Variants in RABGEF1 observed in about 807,000 individuals in gnomAD.
RABGEF1 encodes the protein rab5 GDP/GTP exchange factor.
Under a neutral mutation model 57.3 loss-of-function variants are expected in RABGEF1, and 26 were observed. The ratio of observed to expected loss-of-function variants is 0.45; its 90% CI spans 0.33 to 0.63. The LOEUF (loss-of-function observed/expected upper bound fraction) is 0.63, where lower values mean the gene tolerates loss of function less well. Among genes scored for constraint, RABGEF1 ranks in the 20% least tolerant of loss-of-function variants. The pLI, the probability that RABGEF1 is intolerant of heterozygous loss-of-function variation, is 0.02. For synonymous variants in RABGEF1, 185 were observed against 210.7 expected (o/e 0.88, Z 1.06); for missense variants, 464 against 607.6 (o/e 0.76, Z 2.48).
chr7:66,734,768 A>G (rs1345352728), intron 2 of RABGEF1, among the ~76,000 whole-genome samples: 4 of 151,964 alleles, frequency 2.6e-5, no homozygotes, highest in South Asian at 2.1e-4. Context: ...CAATGGGTGC[A>G]TGATATTGTT....
At chr7:66,675,736 G>A in the RABGEF1 span, among the ~76,000 whole-genome samples, 6 of 152,082 alleles carry the variant, frequency 3.9e-5, no homozygotes, top group African/African-American at 1.2e-4. Context: ...AATGTAATAG[G>A]ATGCAAAATC....
chr7:66,789,262 A>C (rs1811984563), intron 4 of RABGEF1, among the ~76,000 whole-genome samples: 1 of 152,228 alleles, frequency 6.6e-6, no homozygotes, highest in Non-Finnish European at 1.5e-5. Context: ...TATTGTGAGA[A>C]CTTCAGCAGG....
intron 1 of RABGEF1, among the ~76,000 whole-genome samples, chr7:66,706,341 G>T (rs1246635549): frequency 6.6e-6 from 1 of 152,138 alleles, no homozygotes; most frequent in East Asian, 1.9e-4. Flanking sequence ...ACCTAGGAAT[G>T]AAGTGACTAG....
the RABGEF1 span, among the ~76,000 whole-genome samples, chr7:66,662,220 C>G: frequency 6.8e-6 from 1 of 146,998 alleles, no homozygotes; most frequent in Non-Finnish European, 1.5e-5. Context: ...GCCTGGGTGA[C>G]AGAGCGAGAC....
At chr7:66,736,440 G>A (rs1797953464), upstream of RABGEF1, among the ~76,000 whole-genome samples, 1 of 152,138 alleles carries the variant, frequency 6.6e-6, no homozygotes, top group Admixed American at 6.6e-5. Context: ...GAAGAAGAAG[G>A]GGAGTGGTAA....
At chr7:66,732,287 T>C (rs1460656579) in intron 2 of RABGEF1, among the ~76,000 whole-genome samples, 2 of 152,172 alleles carry the variant, frequency 1.3e-5, no homozygotes, top group Non-Finnish European at 2.9e-5. Flanking sequence ...CGGAGCCTCA[T>C]TGAGCAGGGG....
chr7:66,676,383 T>C, the RABGEF1 span, among the ~76,000 whole-genome samples: 21 of 152,290 alleles, frequency 1.4e-4, no homozygotes, highest in African/African-American at 4.3e-4. Context: ...AATCCTCACA[T>C]ACTCAAGCAT....
At chr7:66,722,923 C>T (rs1317716506) in intron 2 of RABGEF1, among the ~76,000 whole-genome samples, 2 of 152,152 alleles carry the variant, frequency 1.3e-5, no homozygotes, top group East Asian at 3.8e-4. Flanking sequence ...ATAAACACAG[C>T]ATGTCTTTCC....
chr7:66,773,923 C>G (rs758343444), intron 2 of RABGEF1: 11 of 407,330 alleles, frequency 2.7e-5, no homozygotes, highest in South Asian at 2.0e-4. Context: ...GCCTTGGCCT[C>G]CCAGTGTGCT....
At chr7:66,797,034 T>A in intron 5 of RABGEF1, 1 of 371,634 alleles carries the variant, frequency 2.7e-6, no homozygotes, top group South Asian at 2.1e-5. Flanking sequence ...GCATTCTGGC[T>A]CACACCTATA....
chr7:66,741,709 T>A (rs575301495), intron 1 of RABGEF1, among the ~76,000 whole-genome samples: 27 of 152,290 alleles, frequency 1.8e-4, no homozygotes, highest in African/African-American at 4.1e-4. Context: ...TATTTATTAT[T>A]TTTTTCGACA....
chr7:66,659,052 A>G, the RABGEF1 span, among the ~76,000 whole-genome samples: 13 of 152,224 alleles, frequency 8.5e-5, 1 homozygote, highest in South Asian at 2.7e-3. Context: ...GGAAACACTA[A>G]CTCATTCTAT....
In RABGEF1 at chr7:66,808,923, A is replaced by T; in HGVS notation, c.1115A>T (p.Gln372Leu). The T allele has an allele frequency of 6.2e-7, 1 of 1,610,108 alleles. No individual in the cohort carries two copies. The highest frequency in any genetic ancestry group is 8.5e-7 in the Non-Finnish European group (1 of 1,176,632). ...AVAFIEKLDA[Q>L]SLNLSQEDFD... ...GCTTTCATTGAGAAGCTAGACGCCC[A>T]GTCTTTGAATCTAAGTCAGGAGGAT... The change falls in exon 9 of 9, where the codon CAG (glutamine) becomes CTG (leucine). Residue 372 changes from glutamine (Q) to leucine (L), a missense_variant. Around this residue, in one of 4 missense-constraint regions of RABGEF1, gnomAD observed 151 missense variants for 152.2 expected, o/e 0.99. Coordinates refer to ENST00000284957, the MANE Select transcript of RABGEF1 (RefSeq NM_014504.3).
chr7:66,683,727 CTTAT>C (rs10583686), intron 1 of RABGEF1, among the ~76,000 whole-genome samples: 74,235 of 149,266 alleles, frequency 0.5, 19,371 homozygotes, highest in African/African-American at 0.66. Flanking sequence ...CAAGGAGGTG[CTTAT>C]TTATTTATTT....
chr7:66,782,026 T>G (rs1290269219), intron 3 of RABGEF1, among the ~76,000 whole-genome samples: 1 of 152,220 alleles, frequency 6.6e-6, no homozygotes, highest in African/African-American at 2.4e-5. Flanking sequence ...AGAGTAAACC[T>G]GAATGCCATC....
At chr7:66,804,958 T>C (rs2129189119) in intron 7 of RABGEF1, among the ~76,000 whole-genome samples, 182 bp from the exon 8 acceptor site, 1 of 152,266 alleles carries the variant, frequency 6.6e-6, no homozygotes, top group South Asian at 2.1e-4. Flanking sequence ...ATTACCTGGC[T>C]CTTGGTTCTG....
intron 2 of RABGEF1, among the ~76,000 whole-genome samples, chr7:66,734,668 A>G (rs1230327424): frequency 1.3e-5 from 2 of 150,788 alleles, no homozygotes; most frequent in African/African-American, 4.9e-5. Context: ...CCTGACCTCA[A>G]GTGATCCATC....
chr7:66,656,421 C>G, the RABGEF1 span, among the ~76,000 whole-genome samples: 2 of 151,936 alleles, frequency 1.3e-5, no homozygotes, highest in African/African-American at 2.4e-5. Flanking sequence ...CCTGGAGGGT[C>G]GTTATTAAAG....
chr7:66,773,670 G>A (rs1260585676), intron 2 of RABGEF1: 1 of 453,768 alleles, frequency 2.2e-6, no homozygotes, highest in Admixed American at 2.4e-5. Flanking sequence ...CTTTTTGTTT[G>A]TTTGTTTGTT....
Sources: gnomAD v4.1 joint callset for allele counts (sites outside exome capture counted in the v4.1 genomes callset) on GRCh38, gnomAD v4.1.1 for gene constraint, gnomAD v4.1.1 regional missense constraint, MANE v1.5 for transcripts, NCBI Gene and HGNC (gene_info 2026-07-23, HGNC 2026-07-21) for gene names.